Variants in AKT2 observed in about 807,000 individuals in gnomAD.
AKT2 encodes the protein AKT serine/threonine kinase 2.
In AKT2, 16 loss-of-function variants were observed where a neutral mutation model predicts 58.6. The observed-to-expected ratio is 0.27, with a 90% CI of 0.18 to 0.41. The LOEUF is 0.41. Ranked by LOEUF, AKT2 falls within the 10% of genes least tolerant of loss-of-function variation. The probability of loss-of-function intolerance (pLI) is 1.00; values close to 1 mark genes in which losing one functional copy is unlikely to be tolerated. For missense variants in AKT2, 438 were observed against 661.0 expected (o/e 0.66, Z 3.70); for synonymous variants, 253 against 254.0 (o/e 1.00, Z 0.04).
At position 40,236,021 on chromosome 19, in the gene AKT2, C is replaced by T. The variant is rs1218925305; in HGVS notation, c.1044G>A (p.Leu348=). 1.2e-6 allele frequency: 2 copies of T among 1,614,150 alleles called. No homozygotes were observed. Among genetic ancestry groups the T allele is most frequent in the South Asian group, 2.2e-5 (2 of 91,090 alleles). The part of the protein sequence containing the change: ...VVMYEMMCGR[L]PFYNQDHERL... ...GCTCGTGGTCCTGGTTGTAGAAGGG[C>T]AGGCGGCCGCACATCATCTCGTACA... Residue 348 remains leucine (L), a synonymous_variant, in exon 11 of 14, where the codon CTG becomes CTA. Coordinates refer to ENST00000392038, the MANE Select transcript of AKT2 (RefSeq NM_001626.6).
rs554402367 is a variant in AKT2, at chr19:40,256,326, A to G, written c.175+600T>C. Among the ~76,000 whole-genome samples, 3 of 152,240 alleles carry G rather than the reference A, an allele frequency of 2.0e-5. No homozygotes were observed. In the East Asian group the frequency reaches 5.8e-4, roughly 29 times the overall value. ...GCAGTGGAGATGGGGGTGCCTCTGT[A>G]ATGTTCTTAGCAGGCAGAACAACAG... is the stretch of plus-strand genomic sequence containing the variant. On this transcript the variant is annotated intron_variant, in intron 3 of 13. Coordinates refer to ENST00000392038, the MANE Select transcript of AKT2 (RefSeq NM_001626.6).
intron 2 of AKT2, among the ~76,000 whole-genome samples, chr19:40,259,690 T>C (rs781234302): frequency 2.0e-5 from 3 of 152,190 alleles, no homozygotes; most frequent in Non-Finnish European, 4.4e-5. Flanking sequence ...AAGGGTCTAT[T>C]AACCAGAACA....
At chr19:40,261,511 C>T (rs897195087) in intron 2 of AKT2, among the ~76,000 whole-genome samples, 6 of 147,054 alleles carry the variant, frequency 4.1e-5, no homozygotes, top group South Asian at 2.2e-4. Flanking sequence ...CCAGCCTGGG[C>T]GACAGAGCAA....
Position 40,231,368 on chromosome 19 carries a change from G to C in AKT2, c.*2504C>G, listed in dbSNP as rs989584643. On this transcript the variant is annotated 3_prime_UTR_variant, in exon 14 of 14. Coordinates refer to ENST00000392038, the MANE Select transcript of AKT2 (RefSeq NM_001626.6). ...AAGAGTAAAAGGCCTTTCTTCATAG[G>C]CCTGCCTATTTTATGACCACCAGGG... The C allele has an allele frequency of 5.6e-5, 13 of 233,018 alleles. No homozygotes were observed. The highest frequency in any genetic ancestry group is 2.9e-4 in the African/African-American group (13 of 45,320). The allele number at this position is 233,018 out of a possible 1,614,324, so 14.4% of individuals were successfully genotyped here. A position where few individuals can be genotyped will look rare whatever the true frequency, so the allele number is the denominator to read the frequency against.
At chr19:40,261,532 CAA>C (rs34120640) in intron 2 of AKT2, among the ~76,000 whole-genome samples, 7 of 134,758 alleles carry the variant, frequency 5.2e-5, no homozygotes, top group African/African-American at 5.6e-5. Context: ...GACTCCATCT[CAA>C]AAAAAAAAAA....
At chr19:40,239,134 T>C in intron 7 of AKT2, 161 bp from the exon 8 acceptor site, 1 of 615,166 alleles carries the variant, frequency 1.6e-6, no homozygotes, top group Non-Finnish European at 2.8e-6. Context: ...CGGCTGCACC[T>C]TTTGGGGCAT....
intron 2 of AKT2, among the ~76,000 whole-genome samples, chr19:40,263,115 CAAG>C (rs757898639): frequency 9.8e-5 from 15 of 152,308 alleles, no homozygotes; most frequent in Non-Finnish European, 2.1e-4. Flanking sequence ...ACTGAAGGCC[CAAG>C]AGGGGCCAAG....
At chr19:40,247,970 G>A (rs1242976396) in intron 4 of AKT2, among the ~76,000 whole-genome samples, 2 of 152,190 alleles carry the variant, frequency 1.3e-5, no homozygotes, top group East Asian at 1.9e-4. Context: ...GGGGAGCCAC[G>A]TTCGCCATAC....
Position 40,230,819 on chromosome 19 carries a change from G to C in AKT2, c.*3053C>G, listed in dbSNP as rs912763248. The C allele has an allele frequency of 3.1e-5, 6 of 191,020 alleles. No individual in the cohort carries two copies. The highest frequency in any genetic ancestry group is 3.1e-4 in the Admixed American group (5 of 16,220). The allele number at this position is 191,020 out of a possible 1,614,324, so 11.8% of individuals were successfully genotyped here. On this transcript the variant is annotated 3_prime_UTR_variant, in exon 14 of 14. Coordinates refer to ENST00000392038, the MANE Select transcript of AKT2 (RefSeq NM_001626.6). ...CAGCCTCAAACTCCTGGGCTCAAGT[G>C]ATCTTCCCACCTCACCTCAGCCTTC...
At chr19:40,272,451 C>T (rs2077232503) in intron 1 of AKT2, among the ~76,000 whole-genome samples, 1 of 152,198 alleles carries the variant, frequency 6.6e-6, no homozygotes, top group Admixed American at 6.5e-5. Flanking sequence ...ACCAGCCCTG[C>T]TGTGCTGACA....
At chr19:40,264,536 G>A (rs936625092) in intron 2 of AKT2, among the ~76,000 whole-genome samples, 3 of 151,900 alleles carry the variant, frequency 2.0e-5, no homozygotes, top group Admixed American at 6.6e-5. Context: ...CCCCCAGCTC[G>A]CCCTAGCTCA....
chr19:40,277,820 T>C (rs541663143), intron 1 of AKT2, among the ~76,000 whole-genome samples: 1 of 152,204 alleles, frequency 6.6e-6, no homozygotes, highest in Non-Finnish European at 1.5e-5. Flanking sequence ...CCACCTCCGA[T>C]CGCATCCAGA....
chr19:40,277,822 G>A (rs1331402283), intron 1 of AKT2, among the ~76,000 whole-genome samples: 1 of 152,090 alleles, frequency 6.6e-6, no homozygotes, highest in East Asian at 1.9e-4. Context: ...ACCTCCGATC[G>A]CATCCAGAAC....
intron 7 of AKT2, 38 bp downstream of exon 7, chr19:40,240,007 C>A (rs566917128): frequency 6.2e-7 from 1 of 1,600,782 alleles, no homozygotes; most frequent in South Asian, 1.1e-5. Context: ...TGTCCAAAGG[C>A]TGGCCTCACA....
chr19:40,284,273 G>A (rs937895370), intron 1 of AKT2, among the ~76,000 whole-genome samples: 1 of 152,062 alleles, frequency 6.6e-6, no homozygotes, highest in South Asian at 2.1e-4. Context: ...GCAGGGGCAC[G>A]GCTCCTCAAA....
At chr19:40,281,938 C>T (rs1213419661) in intron 1 of AKT2, among the ~76,000 whole-genome samples, 1 of 152,196 alleles carries the variant, frequency 6.6e-6, no homozygotes, top group Non-Finnish European at 1.5e-5. Context: ...ATCATCATCC[C>T]CATGGCACCG....
Position 40,285,112 on chromosome 19 carries a change from G to A in AKT2, c.-85+69C>T, listed in dbSNP as rs577477016. 811 of 389,740 alleles carry A rather than the reference G, an allele frequency of 2.1e-3. 1 individual carries two copies. The highest frequency in any genetic ancestry group is 3.1e-3 in the Non-Finnish European group (673 of 220,314). 24.1% of individuals were successfully genotyped at this position (389,740 alleles called of 1,614,324 possible). ...GGGCACGGGTGGTACAGCCCATCGC[G>A]GCACCGCGGGGGGCCCGGACGCGAC... On this transcript the variant is annotated intron_variant, in intron 1 of 13. Transcript: ENST00000392038.
chr19:40,278,715 G>C (rs2077370325), intron 1 of AKT2, among the ~76,000 whole-genome samples: 1 of 152,030 alleles, frequency 6.6e-6, no homozygotes, highest in African/African-American at 2.4e-5. Context: ...ATCACCAGGA[G>C]TAGCATCAGC....
At chr19:40,257,586 AAC>A (rs59835118) in intron 2 of AKT2, among the ~76,000 whole-genome samples, 36,090 of 146,056 alleles carry the variant, frequency 0.25, 4,396 homozygotes, top group Middle Eastern at 0.28. Flanking sequence ...TATGCACACA[AAC>A]ACACACACAC....
Sources: allele counts gnomAD v4.1 joint callset (sites outside exome capture counted in the v4.1 genomes callset), GRCh38; gene constraint gnomAD v4.1.1; transcripts MANE v1.5; gene names NCBI Gene and HGNC (gene_info 2026-07-23, HGNC 2026-07-21).